The following CELF2 variants were observed in gnomAD, a reference collection of about 807,000 sequenced individuals.
CELF2 encodes CUGBP Elav-like family member 2, also known as CUG triplet repeat RNA-binding protein 2.
In CELF2, 8 loss-of-function variants were observed where a neutral mutation model predicts 62.6. The ratio of observed to expected loss-of-function variants is 0.13; its 90% CI spans 0.07 to 0.23. The LOEUF (loss-of-function observed/expected upper bound fraction) is 0.23, where lower values mean the gene tolerates loss of function less well. CELF2 is among the 10% of genes least tolerant of loss of function. The probability of loss-of-function intolerance (pLI) is 1.00; values close to 1 mark genes in which losing one functional copy is unlikely to be tolerated. For synonymous variants in CELF2, 258 were observed against 250.0 expected (o/e 1.03, Z -0.30); for missense variants, 333 against 671.0 (o/e 0.50, Z 5.56).
chr10:11,088,342 G>A (rs959870987), intron 1 of CELF2, among the ~76,000 whole-genome samples: 4 of 152,240 alleles, frequency 2.6e-5, no homozygotes, highest in East Asian at 3.8e-4. Context: ...AACCAGATGG[G>A]AACATCATCA....
At chr10:10,587,373 A>C in the CELF2 span, among the ~76,000 whole-genome samples, 19 of 152,264 alleles carry the variant, frequency 1.2e-4, no homozygotes, top group Non-Finnish European at 2.6e-4. Context: ...ACGCATTTGC[A>C]TTTGAAATCA....
intron 2 of CELF2, among the ~76,000 whole-genome samples, chr10:11,202,505 C>G (rs2059438600): frequency 6.6e-6 from 1 of 152,170 alleles, no homozygotes; most frequent in South Asian, 2.1e-4. Flanking sequence ...CTGAGCTACC[C>G]AGTAGTCAGT....
At chr10:10,790,364 T>C in the CELF2 span, among the ~76,000 whole-genome samples, 2 of 152,146 alleles carry the variant, frequency 1.3e-5, no homozygotes, top group Non-Finnish European at 2.9e-5. Context: ...ATAGTACTTA[T>C]ATGTATGTAG....
the CELF2 span, among the ~76,000 whole-genome samples, chr10:10,723,302 G>A: frequency 6.6e-6 from 1 of 152,132 alleles, no homozygotes; most frequent in African/African-American, 2.4e-5. Flanking sequence ...TTGACTTTTG[G>A]TCATCTGAAA....
chr10:10,497,206 G>GA, the CELF2 span, among the ~76,000 whole-genome samples: 2 of 122,262 alleles, frequency 1.6e-5, no homozygotes, highest in African/African-American at 6.2e-5. Context: ...AAAAAAAAAA[G>GA]ATAAAAAGAA....
the CELF2 span, among the ~76,000 whole-genome samples, chr10:10,655,107 C>A: frequency 6.6e-6 from 1 of 150,530 alleles, no homozygotes; most frequent in Non-Finnish European, 1.5e-5. Context: ...CATGAGTGAA[C>A]TCCCATTCAC....
chr10:11,193,105 C>T (rs189867462), intron 2 of CELF2, among the ~76,000 whole-genome samples: 3 of 152,292 alleles, frequency 2.0e-5, no homozygotes, highest in East Asian at 3.9e-4. Context: ...GTTCACAGCC[C>T]TGAACCCAAA....
intron 1 of CELF2, chr10:10,846,213 T>C: frequency 5.4e-6 from 3 of 554,558 alleles, no homozygotes; most frequent in Non-Finnish European, 6.9e-6. Context: ...TTGTGATTAA[T>C]TATATACGAT....
chr10:11,050,742 A>G (rs1594078625), intron 1 of CELF2, among the ~76,000 whole-genome samples: 1 of 152,164 alleles, frequency 6.6e-6, no homozygotes, highest in Admixed American at 6.5e-5. Flanking sequence ...TCCACCCTGC[A>G]TTGCCAGACA....
the CELF2 span, among the ~76,000 whole-genome samples, chr10:10,701,426 G>T: frequency 6.6e-6 from 1 of 152,212 alleles, no homozygotes; most frequent in Non-Finnish European, 1.5e-5. Context: ...CATCACATCA[G>T]ATTTCCATCA....
intron 2 of CELF2, among the ~76,000 whole-genome samples, chr10:10,954,440 A>G (rs768041642): frequency 2.6e-5 from 4 of 151,848 alleles, no homozygotes; most frequent in Non-Finnish European, 5.9e-5. Flanking sequence ...TAGAGGCAGG[A>G]TTTCACCATG....
chr10:10,496,323 T>G, the CELF2 span, among the ~76,000 whole-genome samples: 1 of 152,216 alleles, frequency 6.6e-6, no homozygotes, highest in African/African-American at 2.4e-5. Context: ...TCTACTCGTA[T>G]CTACCATAAA....
chr10:10,871,051 AAC>A (rs1277666426), intron 1 of CELF2, among the ~76,000 whole-genome samples: 3 of 151,952 alleles, frequency 2.0e-5, no homozygotes, highest in Non-Finnish European at 4.4e-5. Flanking sequence ...TCTTCCAGGC[AAC>A]ACAGTCAAGA....
chr10:10,623,073 G>C, the CELF2 span, among the ~76,000 whole-genome samples: 1 of 110,162 alleles, frequency 9.1e-6, no homozygotes, highest in African/African-American at 3.8e-5. Context: ...GCGACAGAGA[G>C]AGACTCCGTC....
At chr10:10,832,043 G>A (rs10795825) in intron 1 of CELF2, among the ~76,000 whole-genome samples, 81,625 of 151,332 alleles carry the variant, frequency 0.54, 22,585 homozygotes, top group East Asian at 0.76. Flanking sequence ...CAAAGCAGGC[G>A]GATTGCCTGA....
At chr10:11,132,874 A>C (rs1223852293) in intron 1 of CELF2, among the ~76,000 whole-genome samples, 5 of 152,184 alleles carry the variant, frequency 3.3e-5, no homozygotes, top group African/African-American at 1.2e-4. Flanking sequence ...TTTAAGCACC[A>C]ATAGAGTTTC....
chr10:11,020,387 A>G (rs1815695738), intron 1 of CELF2, among the ~76,000 whole-genome samples: 1 of 152,238 alleles, frequency 6.6e-6, no homozygotes, highest in Non-Finnish European at 1.5e-5. Flanking sequence ...TATATCGTTC[A>G]TAATTAACTC....
At chr10:10,671,351 C>T in the CELF2 span, among the ~76,000 whole-genome samples, 1 of 152,218 alleles carries the variant, frequency 6.6e-6, no homozygotes, top group African/African-American at 2.4e-5. Context: ...ACTGAAGGAC[C>T]TCTTGTTGCT....
In CELF2 at chr10:11,319,176, G is replaced by GCGAT. The variant is rs1170089904; in HGVS notation, c.1097-2011_1097-2008dup. The GCGAT allele has an allele frequency of 1.3e-5, 6 of 455,070 alleles. No individual in the cohort carries two copies. Among genetic ancestry groups the GCGAT allele is most frequent in the African/African-American group, 4.1e-5 (2 of 49,366 alleles). The allele number at this position is 455,070 out of a possible 1,614,324, so 28.2% of individuals were successfully genotyped here. ...ATTTCCAGAGGACTGTGCCCAGAGT[G>GCGAT]CGATCATCTGTAATCCACAGCACCC... On this transcript the variant is annotated intron_variant, in intron 10 of 12. Transcript: ENST00000633077. This position sits in a 1 kb window ranked among gnomAD's most constrained non-coding sequence, Gnocchi z 4.4.
Sources: gnomAD v4.1 joint callset for allele counts (sites outside exome capture counted in the v4.1 genomes callset) on GRCh38, gnomAD v4.1.1 for gene constraint, Gnocchi (gnomAD v3.1) non-coding constraint, MANE v1.5 for transcripts, NCBI Gene and HGNC (gene_info 2026-07-23, HGNC 2026-07-21) for gene names.